Variants in GSDME observed in about 807,000 individuals in gnomAD.
GSDME encodes gasdermin E, also known as gasdermin-E.
Under a neutral mutation model 47.5 loss-of-function variants are expected in GSDME, and 44 were observed. The ratio of observed to expected loss-of-function variants is 0.93; its 90% confidence interval spans 0.73 to 1.19. The LOEUF (loss-of-function observed/expected upper bound fraction) is 1.19, where lower values mean the gene tolerates loss of function less well. Ranked by LOEUF, GSDME falls within the 50% of genes most tolerant of loss-of-function variation. The pLI, the probability that GSDME is intolerant of heterozygous loss-of-function variation, is 0.00. For synonymous variants in GSDME, 258 were observed against 252.8 expected (o/e 1.02, Z -0.20); for missense variants, 663 against 604.2 (o/e 1.10, Z -1.02).
At chr7:24,786,351 CT>C in the GSDME span, among the ~76,000 whole-genome samples, 3 of 152,218 alleles carry the variant, frequency 2.0e-5, no homozygotes, top group Non-Finnish European at 4.4e-5. The surrounding 1 kb of genome is among the most constrained non-coding windows in gnomAD (Gnocchi z 5.5). Context: ...TGGAATCACT[CT>C]GCTTGTATCT....
At chr7:24,789,480 G>T in the GSDME span, among the ~76,000 whole-genome samples, 1 of 152,192 alleles carries the variant, frequency 6.6e-6, no homozygotes, top group Non-Finnish European at 1.5e-5. Flanking sequence ...AAGCAAGCAA[G>T]GGGTACATGA....
intron 3 of GSDME, among the ~76,000 whole-genome samples, chr7:24,740,501 C>T (rs1790454412): frequency 6.6e-6 from 1 of 151,860 alleles, no homozygotes. Context: ...TTGCTTGTAA[C>T]ACAAGGGATA....
chr7:24,786,512 T>G, the GSDME span, among the ~76,000 whole-genome samples: 1 of 152,140 alleles, frequency 6.6e-6, no homozygotes, highest in East Asian at 1.9e-4. This position sits in a 1 kb window ranked among gnomAD's most constrained non-coding sequence, Gnocchi z 5.5. Context: ...CTAAATGGGG[T>G]TGTTGTGAGG....
intron 9 of GSDME, among the ~76,000 whole-genome samples, chr7:24,700,384 C>T (rs1316157107): frequency 1.3e-5 from 2 of 151,870 alleles, no homozygotes; most frequent in East Asian, 3.8e-4. Context: ...TACAAATTTA[C>T]CAGTAGATTT....
chr7:24,778,105 G>A, the GSDME span, among the ~76,000 whole-genome samples: 6 of 149,510 alleles, frequency 4.0e-5, no homozygotes, highest in Admixed American at 2.7e-4. The surrounding 1 kb of genome is among the most constrained non-coding windows in gnomAD (Gnocchi z 5.6). Context: ...GAGAGAGAAA[G>A]ACTGTGTATG....
intron 3 of GSDME, among the ~76,000 whole-genome samples, chr7:24,727,936 G>A (rs984143740): frequency 2.0e-5 from 3 of 152,172 alleles, no homozygotes; most frequent in Admixed American, 6.5e-5. Flanking sequence ...ATCCTGTACC[G>A]GGAAGGCTGC....
Position 24,728,284 on chromosome 7 carries a change from C to T in GSDME, c.405-9066G>A, listed in dbSNP as rs954235588. Among the ~76,000 whole-genome samples the T allele has an allele frequency of 6.6e-6, 1 of 152,182 alleles. No homozygotes were observed. Among genetic ancestry groups the T allele is most frequent in the African/African-American group, 2.4e-5 (1 of 41,446 alleles). ...ACCAAGAGAACTTGAGCTGCCAGGACAGATGGCGGCTGCCACAGGGGCCCA... is the reference window on the plus strand; with the variant it reads ...ACCAAGAGAACTTGAGCTGCCAGGATAGATGGCGGCTGCCACAGGGGCCCA... On this transcript the variant is annotated intron_variant, in intron 3 of 9. Transcript: ENST00000645220. This position sits in a 1 kb window ranked among gnomAD's most constrained non-coding sequence, Gnocchi z 7.2.
chr7:24,772,595 C>T, the GSDME span, among the ~76,000 whole-genome samples: 10 of 152,148 alleles, frequency 6.6e-5, no homozygotes, highest in African/African-American at 2.2e-4. The surrounding 1 kb of genome is among the most constrained non-coding windows in gnomAD (Gnocchi z 4.5). Context: ...AGTTAACTTT[C>T]GGTTCAGTCA....
chr7:24,742,944 G>C lies in GSDME; in HGVS notation c.404+1618C>G, dbSNP rs973259397. ...GAAAATAAAGATCATGACTGCCAGA[G>C]ACAGAGGCAGCTGTCCCTTCTACCT... is the stretch of plus-strand genomic sequence containing the variant. On this transcript the variant is annotated intron_variant, in intron 3 of 9. Coordinates refer to ENST00000645220, the MANE Select transcript of GSDME (RefSeq NM_001127453.2). The surrounding 1 kb of genome is among the most constrained non-coding windows in gnomAD (Gnocchi z 4.4). Among the ~76,000 whole-genome samples, 1 of 152,254 alleles carries C rather than the reference G, an allele frequency of 6.6e-6. No homozygotes were observed. The highest frequency in any genetic ancestry group is 1.5e-5 in the Non-Finnish European group (1 of 68,040).
intron 5 of GSDME, among the ~76,000 whole-genome samples, chr7:24,715,008 C>A (rs1294415824): frequency 6.6e-6 from 1 of 152,202 alleles, no homozygotes; most frequent in African/African-American, 2.4e-5. Context: ...TGTATTTACA[C>A]AATGGAATAC....
chr7:24,789,613 T>C, the GSDME span, among the ~76,000 whole-genome samples: 17 of 152,330 alleles, frequency 1.1e-4, no homozygotes, highest in Admixed American at 7.2e-4. Flanking sequence ...GAGTTGATTT[T>C]TAACTACCAG....
chr7:24,745,118 A>C lies in GSDME; in HGVS notation c.212-364T>G, dbSNP rs1790626544. Among the ~76,000 whole-genome samples the C allele has an allele frequency of 6.6e-6, 1 of 152,180 alleles. No individual in the cohort carries two copies. Among genetic ancestry groups the C allele is most frequent in the South Asian group, 2.1e-4 (1 of 4,826 alleles). ...ATTGGTTTTCAATCCCAATACGTAT[A>C]GAAAGGTGCACAGAAAGGACTAATG... On this transcript the variant is annotated intron_variant, in intron 2 of 9. Transcript: ENST00000645220. The surrounding 1 kb of genome is among the most constrained non-coding windows in gnomAD (Gnocchi z 4.4).
At chr7:24,782,356 G>T in the GSDME span, among the ~76,000 whole-genome samples, 2 of 151,950 alleles carry the variant, frequency 1.3e-5, no homozygotes, top group East Asian at 3.9e-4. Flanking sequence ...TCAGAATGAT[G>T]GTTTCCAGTT....
the GSDME span, among the ~76,000 whole-genome samples, chr7:24,793,142 AGT>A: frequency 2.0e-5 from 3 of 152,194 alleles, no homozygotes; most frequent in East Asian, 1.9e-4. Flanking sequence ...CCTTTATATT[AGT>A]GTGTTATTAA....
intron 8 of GSDME, 155 bp from the exon 9 acceptor site, chr7:24,702,988 C>CATTT: frequency 1.6e-6 from 1 of 630,118 alleles, no homozygotes; most frequent in Non-Finnish European, 2.9e-6. Context: ...ATGAATGGTG[C>CATTT]TAAATGGGCA....
chr7:24,739,014 C>G lies in GSDME; in HGVS notation c.404+5548G>C, dbSNP rs1790400853. 6.6e-6 allele frequency among the ~76,000 whole-genome samples: 1 copy of G among 152,114 alleles called. No individual in the cohort carries two copies. Among genetic ancestry groups the G allele is most frequent in the African/African-American group, 2.4e-5 (1 of 41,426 alleles). On this transcript the variant is annotated intron_variant, in intron 3 of 9. Coordinates refer to ENST00000645220, the MANE Select transcript of GSDME (RefSeq NM_001127453.2). The surrounding 1 kb of genome is among the most constrained non-coding windows in gnomAD (Gnocchi z 5.1). ...GATTAAACACTTAAATCTAAGACCT[C>G]AAACTATGAAACTACTATAAGAAAA...
chr7:24,744,890 T>A lies in GSDME; in HGVS notation c.212-136A>T, dbSNP rs1790603412. 1 of 908,010 alleles carries A rather than the reference T, an allele frequency of 1.1e-6. No individual in the cohort carries two copies. The highest frequency in any genetic ancestry group is 1.7e-6 in the Non-Finnish European group (1 of 576,880). 56.2% of individuals were successfully genotyped at this position (908,010 alleles called of 1,614,324 possible). ...CACTCAGATGGAAAGCCGGCAGCCATGCTGTGTGTGTGGGCAAGAAAACAG... is the reference window on the plus strand; with the variant it reads ...CACTCAGATGGAAAGCCGGCAGCCAAGCTGTGTGTGTGGGCAAGAAAACAG... On this transcript the variant is annotated intron_variant, in intron 2 of 9. Coordinates refer to ENST00000645220, the MANE Select transcript of GSDME (RefSeq NM_001127453.2). The surrounding 1 kb of genome is among the most constrained non-coding windows in gnomAD (Gnocchi z 4.5).
chr7:24,744,693 G>A lies in GSDME; in HGVS notation c.273C>T (p.Thr91=). The change falls in exon 3 of 10, where the codon ACC becomes ACT. Residue 91 remains threonine, a synonymous_variant. Coordinates refer to ENST00000645220, the MANE Select transcript of GSDME (RefSeq NM_001127453.2). This position sits in a 1 kb window ranked among gnomAD's most constrained non-coding sequence, Gnocchi z 4.5. ...TGACCTTCCCCAGTGCAGTCTCCAG[G>A]GTTCCACTCACGTGGTTTGCAAACT... The part of the protein sequence containing the change: ...EGKFANHVSG[T]LETALGKVKL... 3 of 1,614,154 alleles carry A rather than the reference G, an allele frequency of 1.9e-6. No homozygotes were observed. Among genetic ancestry groups the A allele is most frequent in the Non-Finnish European group, 2.5e-6 (3 of 1,180,040 alleles).
the GSDME span, among the ~76,000 whole-genome samples, chr7:24,792,326 A>G: frequency 6.6e-6 from 1 of 152,232 alleles, no homozygotes; most frequent in East Asian, 1.9e-4. Flanking sequence ...TGGACCAATT[A>G]TGGCATAAAA....
Sources: gnomAD v4.1 joint callset for allele counts (sites outside exome capture counted in the v4.1 genomes callset) on GRCh38, gnomAD v4.1.1 for gene constraint, Gnocchi (gnomAD v3.1) non-coding constraint, MANE v1.5 for transcripts, NCBI Gene and HGNC (gene_info 2026-07-23, HGNC 2026-07-21) for gene names.